Variants in RALYL observed in about 807,000 individuals in gnomAD.
The protein encoded by RALYL is RALY RNA binding protein like, also known as RNA-binding Raly-like protein.
A neutral mutation model predicts 35.1 loss-of-function variants in RALYL; 29 were observed. The ratio of observed to expected loss-of-function variants is 0.83; its 90% confidence interval spans 0.61 to 1.13. RALYL has a LOEUF of 1.13. RALYL is among the 50% of genes most tolerant of loss of function. The probability of loss-of-function intolerance (pLI) is 0.00; values close to 1 mark genes in which losing one functional copy is unlikely to be tolerated. For synonymous variants in RALYL, 120 were observed against 127.6 expected, an observed-to-expected ratio of 0.94 and a Z score of 0.40; for missense variants, 359 against 360.4, an observed-to-expected ratio of 1.00 and a Z score of 0.03.
intron 1 of RALYL, among the ~76,000 whole-genome samples, chr8:84,459,806 A>G (rs897041611): frequency 6.6e-6 from 1 of 151,748 alleles, no homozygotes; most frequent in East Asian, 1.9e-4. Flanking sequence ...TGGCACTGAG[A>G]ACTCATCTGC....
chr8:84,461,709 T>C (rs1027521069), intron 1 of RALYL, among the ~76,000 whole-genome samples: 7 of 151,792 alleles, frequency 4.6e-5, no homozygotes, highest in Non-Finnish European at 1.0e-4. Flanking sequence ...TAAAAGTTGA[T>C]GTTTAATGTA....
chr8:84,373,070 T>G (rs568633835), intron 1 of RALYL, among the ~76,000 whole-genome samples: 1 of 151,628 alleles, frequency 6.6e-6, no homozygotes, highest in Non-Finnish European at 1.5e-5. Context: ...TCATGTCCTT[T>G]GCCCACTTTT....
chr8:84,369,478 C>T (rs1462099546), intron 1 of RALYL, among the ~76,000 whole-genome samples: 3 of 151,964 alleles, frequency 2.0e-5, no homozygotes, highest in Non-Finnish European at 4.4e-5. Flanking sequence ...TCTCTTCAAC[C>T]CAGTTAAGTT....
intron 1 of RALYL, among the ~76,000 whole-genome samples, chr8:84,406,996 C>G (rs917034955): frequency 6.8e-6 from 1 of 146,814 alleles, no homozygotes; most frequent in Non-Finnish European, 1.5e-5. Context: ...TTCTCTCTCT[C>G]TCTCCCTCTC....
At chr8:84,415,928 C>T (rs2044653972) in intron 1 of RALYL, among the ~76,000 whole-genome samples, 1 of 152,166 alleles carries the variant, frequency 6.6e-6, no homozygotes, top group Non-Finnish European at 1.5e-5. Flanking sequence ...ATATGAGTAT[C>T]TTTTCATTGT....
Position 84,183,662 on chromosome 8 carries a change from T to C in RALYL, c.-786T>C, listed in dbSNP as rs1435939331. 1 of 152,794 alleles carries C rather than the reference T, an allele frequency of 6.5e-6. No individual in the cohort carries two copies. The highest frequency in any genetic ancestry group is 1.5e-5 in the Non-Finnish European group (1 of 68,220). 9.5% of individuals were successfully genotyped at this position (152,794 alleles called of 1,614,324 possible). A position where few individuals can be genotyped will look rare whatever the true frequency, so the allele number is the denominator to read the frequency against. ...TTTTTGTTTTTTTTGTTTTTGTTTTTTTTCTTTTTTTCCACTTCTTTGATT... is the reference window on the plus strand; with the variant it reads ...TTTTTGTTTTTTTTGTTTTTGTTTTCTTTCTTTTTTTCCACTTCTTTGATT... On this transcript the variant is annotated 5_prime_UTR_variant, in exon 1 of 9. Transcript: ENST00000521268.
At chr8:84,913,168 G>A (rs76052338) in intron 8 of RALYL, among the ~76,000 whole-genome samples, 3,313 of 151,754 alleles carry the variant, frequency 0.022, 130 homozygotes, top group African/African-American at 0.075. Flanking sequence ...CAGAAAGAAA[G>A]CCAGGCAAAC....
At chr8:84,268,298 C>T (rs1369511406) in intron 1 of RALYL, among the ~76,000 whole-genome samples, 1 of 152,128 alleles carries the variant, frequency 6.6e-6, no homozygotes, top group Non-Finnish European at 1.5e-5. Context: ...TTATAGGGGC[C>T]ATTTAGAGGG....
chr8:84,457,106 A>G (rs189928824), intron 1 of RALYL, among the ~76,000 whole-genome samples: 5 of 152,082 alleles, frequency 3.3e-5, no homozygotes, highest in African/African-American at 9.6e-5. Flanking sequence ...CAACTGTAAC[A>G]CTTCCAGAAT....
At chr8:84,545,293 A>G (rs1456992130) in intron 2 of RALYL, among the ~76,000 whole-genome samples, 2 of 152,114 alleles carry the variant, frequency 1.3e-5, no homozygotes, top group Non-Finnish European at 2.9e-5. Flanking sequence ...GTCTGTCTGA[A>G]CTAAAACCTG....
At chr8:84,844,016 T>C (rs944864657) in intron 4 of RALYL, among the ~76,000 whole-genome samples, 1 of 152,174 alleles carries the variant, frequency 6.6e-6, no homozygotes, top group Non-Finnish European at 1.5e-5. Context: ...GTAAAAACCC[T>C]AGGAGAAAAC....
intron 1 of RALYL, among the ~76,000 whole-genome samples, chr8:84,498,639 A>T (rs2056339059): frequency 6.6e-6 from 1 of 152,126 alleles, no homozygotes; most frequent in African/African-American, 2.4e-5. Flanking sequence ...TTTAATCATC[A>T]AAGTTTCCAT....
chr8:84,404,801 A>T (rs1221522998), intron 1 of RALYL, among the ~76,000 whole-genome samples: 2 of 152,114 alleles, frequency 1.3e-5, no homozygotes, highest in African/African-American at 4.8e-5. Flanking sequence ...TGTCTGGTCC[A>T]GAAGTTTTTT....
chr8:84,491,655 G>GA (rs1457255024), intron 1 of RALYL, among the ~76,000 whole-genome samples: 11 of 151,844 alleles, frequency 7.2e-5, no homozygotes, highest in African/African-American at 2.7e-4. Flanking sequence ...GGAAGCTCAG[G>GA]AAAAAATAAA....
intron 1 of RALYL, among the ~76,000 whole-genome samples, chr8:84,338,898 A>T (rs999021474): frequency 3.9e-5 from 6 of 152,132 alleles, no homozygotes; most frequent in African/African-American, 1.4e-4. Context: ...ATATGTCAAA[A>T]TCAGTAACCT....
chr8:84,617,040 T>C (rs1455882565), intron 2 of RALYL, among the ~76,000 whole-genome samples: 2 of 150,866 alleles, frequency 1.3e-5, no homozygotes, highest in Non-Finnish European at 2.9e-5. Context: ...CCTCCAGCTT[T>C]GTTCTTTTGG....
intron 1 of RALYL, among the ~76,000 whole-genome samples, chr8:84,454,332 T>A (rs897975033): frequency 6.6e-6 from 1 of 151,904 alleles, no homozygotes; most frequent in Non-Finnish European, 1.5e-5. Context: ...AGGGCAAACC[T>A]TTTTTAAAAA....
intron 2 of RALYL, among the ~76,000 whole-genome samples, chr8:84,542,239 T>A (rs1458131530): frequency 6.6e-6 from 1 of 152,124 alleles, no homozygotes; most frequent in Non-Finnish European, 1.5e-5. Context: ...CATCATCCGT[T>A]TCCTCCTCAG....
rs538223213 is a variant in RALYL at position 84,488,450 on chromosome 8, CTGT to C, written c.-23-40843_-23-40841del. ...CCCATTTTCAAAATGTCTCTGCATC[CTGT>C]TGTTGCTCCATGTTCTGCTGTAAAT... On this transcript the variant is annotated intron_variant, in intron 1 of 8. Transcript: ENST00000521268. 1.5e-3 allele frequency among the ~76,000 whole-genome samples: 228 copies of C among 152,150 alleles called. 4 individuals carry two copies. Among genetic ancestry groups the C allele is most frequent in the Admixed American group, 9.0e-3 (137 of 15,240 alleles).
Sources: gnomAD v4.1 joint callset for allele counts (sites outside exome capture counted in the v4.1 genomes callset) on GRCh38, gnomAD v4.1.1 for gene constraint, MANE v1.5 for transcripts, NCBI Gene and HGNC (gene_info 2026-07-23, HGNC 2026-07-21) for gene names.